FSTL5: variants seen among roughly 807,000 people sequenced by gnomAD.
FSTL5 encodes follistatin like 5.
FSTL5 carries 62 observed loss-of-function variants against 89.1 expected under a neutral mutation model. The observed-to-expected ratio is 0.70, with a 90% CI of 0.57 to 0.86. The LOEUF is 0.86. Among genes scored for constraint, FSTL5 ranks in the 40% least tolerant of loss-of-function variants. FSTL5 has a pLI of 0.00. For synonymous variants in FSTL5, 383 were observed against 346.2 expected (o/e 1.11, Z -1.18); for missense variants, 1,057 against 1,001.6 (o/e 1.06, Z -0.75).
intron 4 of FSTL5, among the ~76,000 whole-genome samples, chr4:161,829,686 A>G (rs1403192097): frequency 6.6e-6 from 1 of 152,122 alleles, no homozygotes; most frequent in Non-Finnish European, 1.5e-5. Flanking sequence ...GGTGATTACA[A>G]TAAAAACCAC....
intron 6 of FSTL5, among the ~76,000 whole-genome samples, chr4:161,727,750 C>G (rs552677147): frequency 5.6e-4 from 85 of 152,148 alleles, no homozygotes; most frequent in African/African-American, 2.0e-3. Context: ...CTCTATTTGC[C>G]CTTAAAGCAG....
intron 7 of FSTL5, among the ~76,000 whole-genome samples, chr4:161,639,307 A>T (rs1010131519): frequency 6.6e-6 from 1 of 152,160 alleles, no homozygotes; most frequent in African/African-American, 2.4e-5. Flanking sequence ...ATTATTATGT[A>T]CTTGATGGGA....
intron 4 of FSTL5, among the ~76,000 whole-genome samples, chr4:161,877,015 T>C (rs1732465074): frequency 1.3e-5 from 2 of 151,630 alleles, no homozygotes; most frequent in South Asian, 4.2e-4. Flanking sequence ...AGAAACCCCA[T>C]CTCTACTAAA....
At chr4:161,916,124 T>C (rs1007021642) in intron 4 of FSTL5, among the ~76,000 whole-genome samples, 9 of 152,172 alleles carry the variant, frequency 5.9e-5, no homozygotes, top group African/African-American at 2.2e-4. Flanking sequence ...GATTTCATGC[T>C]AACAGTGCAC....
At chr4:161,866,723 A>G (rs929173983) in intron 4 of FSTL5, among the ~76,000 whole-genome samples, 1 of 151,978 alleles carries the variant, frequency 6.6e-6, no homozygotes, top group Non-Finnish European at 1.5e-5. Context: ...TAAAATATAA[A>G]ATATATGTAT....
intron 4 of FSTL5, among the ~76,000 whole-genome samples, chr4:161,858,842 A>G (rs182389798): frequency 1.3e-3 from 204 of 152,266 alleles, no homozygotes; most frequent in Admixed American, 2.2e-3. Context: ...GCTTTCAGTC[A>G]CAAACTTTTG....
intron 5 of FSTL5, among the ~76,000 whole-genome samples, chr4:161,770,435 C>A (rs1473052426): frequency 1.3e-5 from 2 of 151,434 alleles, no homozygotes; most frequent in African/African-American, 4.8e-5. Context: ...ATATTGCATC[C>A]CTATATCAAA....
At chr4:161,415,838 A>G (rs1250483384) in intron 15 of FSTL5, among the ~76,000 whole-genome samples, 4 of 148,234 alleles carry the variant, frequency 2.7e-5, no homozygotes, top group Admixed American at 6.8e-5. Flanking sequence ...ATATATATAT[A>G]TATATATATA....
chr4:161,992,864 ATAT>A (rs1736157352), intron 3 of FSTL5, among the ~76,000 whole-genome samples: 163 of 65,550 alleles, frequency 2.5e-3, no homozygotes, highest in East Asian at 5.4e-3. Flanking sequence ...AAAAAAAAAT[ATAT>A]ATATATATAT....
chr4:161,471,372 G>A (rs1197476453), intron 13 of FSTL5, among the ~76,000 whole-genome samples: 1 of 152,128 alleles, frequency 6.6e-6, no homozygotes, highest in African/African-American at 2.4e-5. Flanking sequence ...GTTTTTATAT[G>A]TTGAATCATC....
At chr4:161,899,316 G>A (rs1340968542) in intron 4 of FSTL5, among the ~76,000 whole-genome samples, 1 of 152,152 alleles carries the variant, frequency 6.6e-6, no homozygotes, top group Admixed American at 6.5e-5. Context: ...GAGAAATGTG[G>A]ATAGAGGACA....
Position 162,109,556 on chromosome 4 carries a change from G to A in FSTL5, c.126+1715C>T, listed in dbSNP as rs370524657. 2.1e-3 allele frequency among the ~76,000 whole-genome samples: 322 copies of A among 152,108 alleles called. 3 individuals carry two copies. Among genetic ancestry groups the A allele is most frequent in the African/African-American group, 7.5e-3 (310 of 41,530 alleles). On this transcript the variant is annotated intron_variant, in intron 2 of 15. Coordinates refer to ENST00000306100, the MANE Select transcript of FSTL5 (RefSeq NM_020116.5). ...TTTTTGGTAGGTATTAGTGCTTCTCGAACAACTTTAACTCAGTGTGTTATT... is the reference window on the plus strand; with the variant it reads ...TTTTTGGTAGGTATTAGTGCTTCTCAAACAACTTTAACTCAGTGTGTTATT...
At chr4:161,940,897 G>C (rs750855947) in intron 3 of FSTL5, among the ~76,000 whole-genome samples, 2 of 151,758 alleles carry the variant, frequency 1.3e-5, no homozygotes, top group Non-Finnish European at 3.0e-5. Flanking sequence ...TTATTGGACT[G>C]AGAGTAGTAG....
chr4:161,844,551 A>G (rs979796304), intron 4 of FSTL5, among the ~76,000 whole-genome samples: 3 of 152,194 alleles, frequency 2.0e-5, no homozygotes, highest in African/African-American at 4.8e-5. Context: ...ATGCCAATCA[A>G]TGATAGACTA....
At chr4:161,532,845 A>G (rs1033416724) in intron 10 of FSTL5, among the ~76,000 whole-genome samples, 2 of 152,140 alleles carry the variant, frequency 1.3e-5, no homozygotes, top group African/African-American at 4.8e-5. Flanking sequence ...AAGTCTTAAT[A>G]AATGCAAAAA....
At chr4:161,726,359 T>C (rs1480314107) in intron 6 of FSTL5, among the ~76,000 whole-genome samples, 1 of 150,594 alleles carries the variant, frequency 6.6e-6, no homozygotes, top group African/African-American at 2.4e-5. Flanking sequence ...CCCGAGTAGC[T>C]GGGACTACTG....
chr4:161,750,672 G>GGCA (rs1321044498), intron 6 of FSTL5, among the ~76,000 whole-genome samples: 1 of 151,934 alleles, frequency 6.6e-6, no homozygotes, highest in Non-Finnish European at 1.5e-5. Context: ...TTCAAACAAT[G>GGCA]GCAGCCATTA....
chr4:161,833,768 T>C (rs1208165961), intron 4 of FSTL5, among the ~76,000 whole-genome samples: 2 of 151,888 alleles, frequency 1.3e-5, no homozygotes, highest in African/African-American at 4.8e-5. Flanking sequence ...TTTGAGCCTA[T>C]GTGTGTCTCT....
At chr4:161,611,123 C>CATATATAT (rs201910594) in intron 7 of FSTL5, among the ~76,000 whole-genome samples, 191 of 143,546 alleles carry the variant, frequency 1.3e-3, no homozygotes, top group African/African-American at 4.9e-3. Flanking sequence ...AGAAAAGATA[C>CATATATAT]ATATATATAT....
Sources: allele counts gnomAD v4.1 joint callset (sites outside exome capture counted in the v4.1 genomes callset), GRCh38; gene constraint gnomAD v4.1.1; transcripts MANE v1.5; gene names NCBI Gene and HGNC (gene_info 2026-07-23, HGNC 2026-07-21).